The following NLGN1 variants were observed in gnomAD, a reference collection of about 807,000 sequenced individuals.
NLGN1 encodes neuroligin 1.
NLGN1 carries 12 observed loss-of-function variants against 65.5 expected under a neutral mutation model. The observed-to-expected ratio is 0.18, with a 90% CI of 0.12 to 0.30. The LOEUF (loss-of-function observed/expected upper bound fraction) is 0.30, where lower values mean the gene tolerates loss of function less well. Ranked by LOEUF, NLGN1 falls within the 10% of genes least tolerant of loss-of-function variation. The pLI is 1.00. For synonymous variants in NLGN1, 350 were observed against 359.5 expected (o/e 0.97, Z 0.30); for missense variants, 750 against 1,007.1 (o/e 0.74, Z 3.46).
At chr3:173,725,068 A>G (rs931116917) in intron 3 of NLGN1, among the ~76,000 whole-genome samples, 3 of 152,132 alleles carry the variant, frequency 2.0e-5, no homozygotes, top group African/African-American at 7.2e-5. Context: ...AGATATACCT[A>G]ATGAATGTAA....
downstream of NLGN1, among the ~76,000 whole-genome samples, chr3:174,287,572 T>A (rs1371469110): frequency 6.6e-6 from 1 of 151,586 alleles, no homozygotes; most frequent in East Asian, 1.9e-4. Context: ...CAAAAAAAGT[T>A]TCAAATATAC....
At chr3:173,445,773 G>A (rs1027042692) in intron 2 of NLGN1, among the ~76,000 whole-genome samples, 6 of 152,204 alleles carry the variant, frequency 3.9e-5, no homozygotes, top group African/African-American at 1.4e-4. Flanking sequence ...GGGAAGCCAA[G>A]CATTATTTTA....
Position 173,841,269 on chromosome 3 carries a change from A to G in NLGN1, c.646+33437A>G, listed in dbSNP as rs79240572. Among the ~76,000 whole-genome samples, 437 of 152,256 alleles carry G rather than the reference A, an allele frequency of 2.9e-3. 2 individuals are homozygous for G. Among genetic ancestry groups the G allele is most frequent in the African/African-American group, 0.01 (420 of 41,556 alleles). On this transcript the variant is annotated intron_variant, in intron 4 of 6. Coordinates refer to ENST00000457714, the Ensembl canonical transcript of NLGN1. ...ACTTCTAGTTTATACATTTTCCCCA[A>G]ATACAGATGATCTGGTAAAACTTCG... is the stretch of plus-strand genomic sequence containing the variant.
At chr3:174,051,507 A>C (rs1734866957) in intron 4 of NLGN1, among the ~76,000 whole-genome samples, 1 of 152,024 alleles carries the variant, frequency 6.6e-6, no homozygotes, top group South Asian at 2.1e-4. Context: ...ATTTCTTACA[A>C]TCAGTTTGGC....
chr3:173,772,388 C>T (rs753287699), intron 3 of NLGN1, among the ~76,000 whole-genome samples: 46 of 152,146 alleles, frequency 3.0e-4, no homozygotes, highest in South Asian at 2.1e-4. Flanking sequence ...GAGGCTGAGG[C>T]AGGAGGATCA....
chr3:173,807,562 C>A (rs2150447191), intron 3 of NLGN1, 118 bp from the exon 4 acceptor site: 4 of 1,072,420 alleles, frequency 3.7e-6, no homozygotes, highest in Middle Eastern at 4.2e-4. Flanking sequence ...ATAAAAACAG[C>A]AGTTTAAGAA....
chr3:173,701,516 T>C (rs1767164681), intron 3 of NLGN1, among the ~76,000 whole-genome samples: 1 of 152,222 alleles, frequency 6.6e-6, no homozygotes, highest in South Asian at 2.1e-4. Flanking sequence ...TGCAATACTT[T>C]GATTTTAACC....
chr3:173,910,154 T>A (rs1463566271), intron 4 of NLGN1, among the ~76,000 whole-genome samples: 1 of 152,220 alleles, frequency 6.6e-6, no homozygotes, highest in African/African-American at 2.4e-5. Flanking sequence ...GGTAGAAGTT[T>A]CAGAGGATGC....
At chr3:174,081,081 T>C (rs1357000201) in intron 4 of NLGN1, among the ~76,000 whole-genome samples, 1 of 151,974 alleles carries the variant, frequency 6.6e-6, no homozygotes, top group Admixed American at 6.6e-5. Flanking sequence ...AACTTAAAGA[T>C]CATGTTCATC....
At chr3:173,766,239 C>T (rs1578328768) in intron 3 of NLGN1, among the ~76,000 whole-genome samples, 1 of 152,004 alleles carries the variant, frequency 6.6e-6, no homozygotes, top group Admixed American at 6.6e-5. Flanking sequence ...CAGACACCCA[C>T]CACCATGCCC....
At chr3:173,555,043 T>C (rs940548338) in intron 2 of NLGN1, among the ~76,000 whole-genome samples, 1 of 152,182 alleles carries the variant, frequency 6.6e-6, no homozygotes, top group Non-Finnish European at 1.5e-5. Flanking sequence ...TAATTGACCA[T>C]GTATATGTCT....
intron 3 of NLGN1, among the ~76,000 whole-genome samples, chr3:173,793,799 A>G (rs1873040): frequency 0.81 from 123,746 of 151,996 alleles, 51,164 homozygotes; most frequent in Non-Finnish European, 0.87. Flanking sequence ...ATTCCCTGTC[A>G]TATTTCTGAG....
chr3:173,398,093 G>T (rs1253921065), upstream of NLGN1: 1 of 152,278 alleles, frequency 6.6e-6, no homozygotes, highest in African/African-American at 2.4e-5. Context: ...CAGATTACGA[G>T]AAAGCGGGGA....
chr3:174,094,040 A>G (rs1744998724), intron 4 of NLGN1, among the ~76,000 whole-genome samples: 1 of 152,224 alleles, frequency 6.6e-6, no homozygotes, highest in Non-Finnish European at 1.5e-5. Context: ...AAATCTGAAC[A>G]TAATCCAAAA....
rs188410197 is a variant in NLGN1, at chr3:173,696,652, C to T, written c.493+91561C>T. 3.2e-3 allele frequency among the ~76,000 whole-genome samples: 482 copies of T among 152,282 alleles called. 3 individuals are homozygous for T. The highest frequency in any genetic ancestry group is 0.011 in the African/African-American group (461 of 41,556). On this transcript the variant is annotated intron_variant, in intron 3 of 6. Transcript: ENST00000457714. ...ACTCTGTTTACTTCATACTTCTTTTCTCTCCTTCACCTTCCTTTTCTTTCT... is the reference window on the plus strand; with the variant it reads ...ACTCTGTTTACTTCATACTTCTTTTTTCTCCTTCACCTTCCTTTTCTTTCT...
chr3:174,071,001 G>A (rs1050467486), intron 4 of NLGN1, among the ~76,000 whole-genome samples: 1 of 152,124 alleles, frequency 6.6e-6, no homozygotes, highest in African/African-American at 2.4e-5. Context: ...GCTGCAATGA[G>A]TCATGATCAC....
At chr3:173,435,439 C>T (rs186987550) in intron 2 of NLGN1, among the ~76,000 whole-genome samples, 1 of 152,080 alleles carries the variant, frequency 6.6e-6, no homozygotes, top group Non-Finnish European at 1.5e-5. Context: ...GTTTGATTCT[C>T]TTTTGATGAT....
chr3:174,043,979 C>T (rs1173427816), intron 4 of NLGN1, among the ~76,000 whole-genome samples: 1 of 152,210 alleles, frequency 6.6e-6, no homozygotes, highest in African/African-American at 2.4e-5. Flanking sequence ...GGCAGAGGTT[C>T]CCAAACCTCA....
At chr3:173,560,129 G>T (rs1742452958) in intron 2 of NLGN1, among the ~76,000 whole-genome samples, 1 of 152,004 alleles carries the variant, frequency 6.6e-6, no homozygotes, top group East Asian at 1.9e-4. Flanking sequence ...ATTTTTAGTA[G>T]AGACGGGGTT....
Sources: gnomAD v4.1 joint callset for allele counts (sites outside exome capture counted in the v4.1 genomes callset) on GRCh38, gnomAD v4.1.1 for gene constraint, MANE v1.5 for transcripts, NCBI Gene and HGNC (gene_info 2026-07-23, HGNC 2026-07-21) for gene names.